Variants in MBD5 observed in about 807,000 individuals in gnomAD.
The protein encoded by MBD5 is methyl-CpG-binding domain protein 5.
MBD5 carries 13 observed loss-of-function variants against 117.3 expected under a neutral mutation model. The observed-to-expected ratio is 0.11, with a 90% CI of 0.07 to 0.18. The LOEUF is 0.18. Among genes scored for constraint, MBD5 ranks in the 10% least tolerant of loss-of-function variants. The pLI is 1.00. For missense variants in MBD5, 1,879 were observed against 2,093.8 expected, an observed-to-expected ratio of 0.90 and a Z score of 2.00; for synonymous variants, 727 against 766.4, an observed-to-expected ratio of 0.95 and a Z score of 0.85.
Position 148,215,292 on chromosome 2 carries a change from A to G in MBD5, c.-830-17953A>G, listed in dbSNP as rs574897408. Among the ~76,000 whole-genome samples the G allele has an allele frequency of 4.4e-4, 67 of 152,336 alleles. No individual in the cohort carries two copies. The East Asian group carries it at 6.9e-3, about 16-fold the overall frequency. On this transcript the variant is annotated intron_variant, in intron 2 of 13. Transcript: ENST00000642680. The stretch of plus-strand genomic sequence containing the variant: ...AATAGTGTCTGGAATATATTTGAGC[A>G]CTTCTGAGTAAATCAGTGACATAAA...
intron 2 of MBD5, among the ~76,000 whole-genome samples, chr2:148,226,528 T>C (rs1490297701): frequency 6.6e-6 from 1 of 152,202 alleles, no homozygotes; most frequent in Non-Finnish European, 1.5e-5. Context: ...GACATTTGGG[T>C]TGGTTCCAAG....
intron 3 of MBD5, among the ~76,000 whole-genome samples, chr2:148,249,136 G>A (rs1037361468): frequency 6.6e-6 from 1 of 152,112 alleles, no homozygotes; most frequent in Non-Finnish European, 1.5e-5. Flanking sequence ...TTACAATTGT[G>A]ATATTCTTTT....
chr2:148,387,693 T>G (rs1334554828), intron 4 of MBD5, among the ~76,000 whole-genome samples: 1 of 152,082 alleles, frequency 6.6e-6, no homozygotes, highest in Non-Finnish European at 1.5e-5. Context: ...CTACTATTTA[T>G]TTCACTATAA....
At chr2:148,200,657 C>T (rs1049495575) in intron 2 of MBD5, among the ~76,000 whole-genome samples, 6 of 149,186 alleles carry the variant, frequency 4.0e-5, no homozygotes, top group Admixed American at 1.3e-4. Context: ...CACGCCACTT[C>T]GCTCCAGCCT....
intron 1 of MBD5, among the ~76,000 whole-genome samples, chr2:148,173,454 C>A (rs780228687): frequency 1.3e-5 from 2 of 152,204 alleles, no homozygotes; most frequent in Non-Finnish European, 2.9e-5. Context: ...CCACTCCTTG[C>A]CAGGCTCACC....
At chr2:148,281,884 C>G (rs1301848168) in intron 3 of MBD5, among the ~76,000 whole-genome samples, 2 of 152,296 alleles carry the variant, frequency 1.3e-5, no homozygotes, top group East Asian at 3.9e-4. Context: ...CTGAGACTTG[C>G]TCAAGTCTTT....
At position 148,430,433 on chromosome 2, in the gene MBD5, G is replaced by A. The variant is rs150491852; in HGVS notation, c.-556-27770G>A. Among the ~76,000 whole-genome samples, 426 of 152,150 alleles carry A rather than the reference G, an allele frequency of 2.8e-3. 4 individuals are homozygous for A. Among genetic ancestry groups the A allele is most frequent in the African/African-American group, 9.5e-3 (396 of 41,518 alleles). On this transcript the variant is annotated intron_variant, in intron 4 of 13. Coordinates refer to ENST00000642680, the MANE Select transcript of MBD5 (RefSeq NM_001378120.1). ...TTCATATGTTGTTTTTTTAAAAAAT[G>A]TGTATCTATAATTCCTATAAATTTA...
chr2:148,449,451 C>T (rs1386562105), intron 4 of MBD5, among the ~76,000 whole-genome samples: 3 of 151,772 alleles, frequency 2.0e-5, no homozygotes, highest in Non-Finnish European at 4.4e-5. Context: ...ACAAGGGGAA[C>T]CTAATTTAAA....
intron 3 of MBD5, among the ~76,000 whole-genome samples, chr2:148,245,835 C>T (rs1477360167): frequency 6.6e-6 from 1 of 152,132 alleles, no homozygotes. Flanking sequence ...TGTTTGTTTA[C>T]ATGAGACATT....
chr2:148,077,117 T>C (rs1412792269), intron 1 of MBD5, among the ~76,000 whole-genome samples: 1 of 152,232 alleles, frequency 6.6e-6, no homozygotes, highest in Non-Finnish European at 1.5e-5. Context: ...CTATAATAAC[T>C]GTACTTAAAT....
At chr2:148,215,625 G>A (rs968520567) in intron 2 of MBD5, among the ~76,000 whole-genome samples, 2 of 151,352 alleles carry the variant, frequency 1.3e-5, no homozygotes, top group African/African-American at 4.9e-5. Context: ...GGCCTCAGGT[G>A]ATCCTTCCAC....
At chr2:148,441,803 T>C (rs1263524221) in intron 4 of MBD5, among the ~76,000 whole-genome samples, 3 of 152,072 alleles carry the variant, frequency 2.0e-5, no homozygotes, top group Non-Finnish European at 4.4e-5. Context: ...CCATTCTAAC[T>C]GGTGTGAGAT....
chr2:148,395,063 G>A (rs925780987), intron 4 of MBD5, among the ~76,000 whole-genome samples: 5 of 152,156 alleles, frequency 3.3e-5, no homozygotes, highest in African/African-American at 1.2e-4. Flanking sequence ...AAGAGAAAAG[G>A]TGAGTTAGTA....
chr2:148,331,854 A>G (rs956020529), intron 3 of MBD5, among the ~76,000 whole-genome samples: 3 of 152,184 alleles, frequency 2.0e-5, no homozygotes, highest in Non-Finnish European at 4.4e-5. Flanking sequence ...GTTACTTCTT[A>G]GTAAAAATAA....
intron 1 of MBD5, among the ~76,000 whole-genome samples, chr2:148,056,768 T>C (rs1468703834): frequency 6.6e-6 from 1 of 151,974 alleles, no homozygotes; most frequent in Non-Finnish European, 1.5e-5. Context: ...GTCCATACGT[T>C]TTTTCTATTC....
intron 4 of MBD5, among the ~76,000 whole-genome samples, chr2:148,450,333 T>C (rs1706690772): frequency 6.6e-6 from 1 of 152,224 alleles, no homozygotes; most frequent in Non-Finnish European, 1.5e-5. Flanking sequence ...CCAGTAATGC[T>C]ATGTAGCCTC....
chr2:148,264,305 G>GAAT (rs1466043326), intron 3 of MBD5: 21 of 144,054 alleles, frequency 1.5e-4, no homozygotes, highest in African/African-American at 4.7e-4. Flanking sequence ...CGTCGAAGAA[G>GAAT]AAGAAGAAGA....
intron 4 of MBD5, among the ~76,000 whole-genome samples, chr2:148,367,350 G>A (rs527975505): frequency 1.5e-4 from 23 of 152,174 alleles, no homozygotes; most frequent in South Asian, 8.3e-4. Flanking sequence ...AGACTTAAAC[G>A]TAAGACCCAA....
chr2:148,218,086 C>G (rs954343156), intron 2 of MBD5, among the ~76,000 whole-genome samples: 1 of 152,164 alleles, frequency 6.6e-6, no homozygotes, highest in Non-Finnish European at 1.5e-5. Context: ...AATTTAATAT[C>G]ATACAATATA....
Sources: gnomAD v4.1 joint callset for allele counts (sites outside exome capture counted in the v4.1 genomes callset) on GRCh38, gnomAD v4.1.1 for gene constraint, MANE v1.5 for transcripts, NCBI Gene and HGNC (gene_info 2026-07-23, HGNC 2026-07-21) for gene names.